The following CACNA1E variants were observed in gnomAD, a reference collection of about 807,000 sequenced individuals.
The protein encoded by CACNA1E is calcium voltage-gated channel subunit alpha1 E.
CACNA1E carries 40 observed loss-of-function variants against 259.2 expected under a neutral mutation model. The observed-to-expected ratio is 0.15, with a 90% CI of 0.12 to 0.20. The LOEUF is 0.20. Among genes scored for constraint, CACNA1E ranks in the 10% least tolerant of loss-of-function variants. The probability of loss-of-function intolerance (pLI) is 1.00; values close to 1 mark genes in which losing one functional copy is unlikely to be tolerated. For missense variants in CACNA1E, 1,874 were observed against 3,040.1 expected, an observed-to-expected ratio of 0.62 and a Z score of 9.02; for synonymous variants, 1,104 against 1,138.5, an observed-to-expected ratio of 0.97 and a Z score of 0.61.
At chr1:181,406,529 G>A (rs192842488) in intron 1 of CACNA1E, among the ~76,000 whole-genome samples, 7 of 152,110 alleles carry the variant, frequency 4.6e-5, no homozygotes, top group East Asian at 1.9e-4. Context: ...CTGAGTAGCC[G>A]GGATTACAGG....
intron 3 of CACNA1E, among the ~76,000 whole-genome samples, chr1:181,569,148 T>C (rs1011659689): frequency 6.6e-6 from 1 of 152,248 alleles, no homozygotes; most frequent in Non-Finnish European, 1.5e-5. Flanking sequence ...TTATCATAAT[T>C]GAGACCTATT....
In CACNA1E at chr1:181,783,662, T is replaced by C; in HGVS notation, c.5365-17T>C. 6.6e-7 allele frequency: 1 copy of C among 1,509,586 alleles called. No homozygotes were observed. 93.5% of individuals were successfully genotyped at this position (1,509,586 alleles called of 1,614,324 possible). The stretch of plus-strand genomic sequence containing the variant: ...TTTTTTTTTTTGCCTGCTGTTTCTT[T>C]TTTCTCTTTCACACAGAGGTTGGTC... On this transcript the variant is annotated splice_polypyrimidine_tract_variant and intron_variant, in intron 39 of 47. Transcript: ENST00000367573.
intron 1 of CACNA1E, among the ~76,000 whole-genome samples, chr1:181,352,097 G>A (rs1362146250): frequency 1.3e-5 from 2 of 152,186 alleles, no homozygotes; most frequent in Non-Finnish European, 2.9e-5. Context: ...GAGGTGACAG[G>A]CCTATACTTG....
intron 3 of CACNA1E, among the ~76,000 whole-genome samples, chr1:181,560,619 T>C (rs1219803697): frequency 6.6e-6 from 1 of 152,184 alleles, no homozygotes; most frequent in African/African-American, 2.4e-5. Context: ...ACTAAAGTCT[T>C]TCTGTGGAAA....
chr1:181,745,236 C>T (rs1340793442), intron 25 of CACNA1E: 1 of 334,888 alleles, frequency 3.0e-6, no homozygotes, highest in East Asian at 7.9e-5. Context: ...GTGTTGTCTG[C>T]TGCATGTGAC....
At chr1:181,480,544 A>G (rs1417150791), upstream of CACNA1E, among the ~76,000 whole-genome samples, 1 of 152,228 alleles carries the variant, frequency 6.6e-6, no homozygotes, top group African/African-American at 2.4e-5. Flanking sequence ...GAATTACAAC[A>G]GCCAAAGAGA....
At chr1:181,740,516 G>A (rs576104573) in intron 25 of CACNA1E, among the ~76,000 whole-genome samples, 40 of 152,210 alleles carry the variant, frequency 2.6e-4, no homozygotes, top group African/African-American at 9.2e-4. Flanking sequence ...GTGGCCTGGT[G>A]GGGGTGGGGA....
At chr1:181,702,356 G>A (rs1271155015) in intron 7 of CACNA1E, among the ~76,000 whole-genome samples, 4 of 151,850 alleles carry the variant, frequency 2.6e-5, no homozygotes, top group East Asian at 1.9e-4. Context: ...TACCACTCTC[G>A]CCAAGGCCAC....
intron 12 of CACNA1E, among the ~76,000 whole-genome samples, 192 bp from the exon 13 acceptor site, chr1:181,719,559 G>C (rs550155700): frequency 6.6e-6 from 1 of 152,188 alleles, no homozygotes; most frequent in African/African-American, 2.4e-5. Context: ...GTTAGGAAGG[G>C]GATTGGAGAG....
chr1:181,745,214 A>G (rs1558337132), intron 25 of CACNA1E: 8 of 297,956 alleles, frequency 2.7e-5, no homozygotes, highest in South Asian at 2.0e-4. Flanking sequence ...TTTTTAGTGA[A>G]CGCTGGAAAA....
intron 2 of CACNA1E, among the ~76,000 whole-genome samples, chr1:181,436,587 C>T (rs960511457): frequency 1.3e-5 from 2 of 152,126 alleles, no homozygotes; most frequent in African/African-American, 2.4e-5. Context: ...GCATATTATG[C>T]TAAGTGAAAT....
At chr1:181,695,083 C>T (rs1365690796) in intron 7 of CACNA1E, among the ~76,000 whole-genome samples, 2 of 151,898 alleles carry the variant, frequency 1.3e-5, no homozygotes, top group Non-Finnish European at 2.9e-5. Context: ...TTGCAATGAC[C>T]AAGTTAAATT....
chr1:181,799,067 G>C lies in CACNA1E; in HGVS notation c.*233G>C, dbSNP rs956495439. 8.1e-5 allele frequency: 34 copies of C among 419,314 alleles called. No homozygotes were observed. The highest frequency in any genetic ancestry group is 2.5e-5 in the Non-Finnish European group (6 of 238,584). The allele number at this position is 419,314 out of a possible 1,614,324, so 26.0% of individuals were successfully genotyped here. A position where few individuals can be genotyped will look rare whatever the true frequency, so the allele number is the denominator to read the frequency against. The stretch of plus-strand genomic sequence containing the variant: ...GCCATAGTTCTGCCTCTTTGCTGGG[G>C]AAAGAAACCAGGAACGTGGAGGGTT... On this transcript the variant is annotated 3_prime_UTR_variant, in exon 48 of 48. Transcript: ENST00000367573.
intron 1 of CACNA1E, among the ~76,000 whole-genome samples, chr1:181,343,152 G>T (rs1174697174): frequency 2.0e-5 from 3 of 151,944 alleles, no homozygotes; most frequent in Non-Finnish European, 4.4e-5. Context: ...GTAGATGAGG[G>T]TCCATTCACT....
In CACNA1E at chr1:181,776,290, G is replaced by A. The variant is rs575968734; in HGVS notation, c.5267+62G>A. ...AGCAAAGGTCTCTGGAGTTCCCAGG[G>A]AAGAGGCTGGAATTGGAGCCACCCA... On this transcript the variant is annotated intron_variant, in intron 38 of 47. Transcript: ENST00000367573. This position sits in a 1 kb window ranked among gnomAD's most constrained non-coding sequence, Gnocchi z 4.4. 24 of 1,572,584 alleles carry A rather than the reference G, an allele frequency of 1.5e-5. No homozygotes were observed. In the South Asian group the frequency reaches 2.7e-4, roughly 17 times the overall value.
intron 1 of CACNA1E, among the ~76,000 whole-genome samples, chr1:181,508,412 G>A (rs1005089596): frequency 4.6e-5 from 7 of 152,134 alleles, no homozygotes; most frequent in African/African-American, 1.7e-4. Flanking sequence ...TGGATCCATC[G>A]CCCAAGCATG....
intron 6 of CACNA1E, among the ~76,000 whole-genome samples, chr1:181,582,597 T>C (rs1651649601): frequency 6.6e-6 from 1 of 152,268 alleles, no homozygotes; most frequent in African/African-American, 2.4e-5. Flanking sequence ...CAGATGGTAC[T>C]GAGAGGAGAA....
chr1:181,777,653 C>T (rs1021016404), intron 38 of CACNA1E, among the ~76,000 whole-genome samples: 3 of 152,202 alleles, frequency 2.0e-5, no homozygotes, highest in African/African-American at 7.2e-5. Context: ...GTCACGTAAC[C>T]ACTCTGGGCT....
At chr1:181,601,176 C>T (rs937781327) in intron 6 of CACNA1E, among the ~76,000 whole-genome samples, 2 of 152,158 alleles carry the variant, frequency 1.3e-5, no homozygotes, top group Non-Finnish European at 2.9e-5. Context: ...GTGGAGGGAG[C>T]TCTTCAGTCT....
Sources: gnomAD v4.1 joint callset for allele counts (sites outside exome capture counted in the v4.1 genomes callset) on GRCh38, gnomAD v4.1.1 for gene constraint, Gnocchi (gnomAD v3.1) non-coding constraint, MANE v1.5 for transcripts, NCBI Gene and HGNC (gene_info 2026-07-23, HGNC 2026-07-21) for gene names.